The following ASB3 variants were observed in gnomAD, a reference collection of about 807,000 sequenced individuals.
ASB3 encodes the protein ankyrin repeat and SOCS box protein 3.
ASB3 carries 41 observed loss-of-function variants against 54.5 expected under a neutral mutation model. That is an observed-to-expected ratio of 0.75 (90% CI 0.59 to 0.98). The LOEUF is 0.98. Among genes scored for constraint, ASB3 ranks in the 50% least tolerant of loss-of-function variants. ASB3 has a pLI of 0.00. For missense variants in ASB3, 733 were observed against 620.0 expected (o/e 1.18, Z -1.94); for synonymous variants, 266 against 221.2 (o/e 1.20, Z -1.80).
intron 5 of ASB3, among the ~76,000 whole-genome samples, chr2:53,723,228 G>A (rs1339387772): frequency 5.3e-5 from 8 of 152,108 alleles, no homozygotes; most frequent in Admixed American, 1.3e-4. Context: ...CTCACGGATT[G>A]CAAAAATCAA....
intron 3 of ASB3, among the ~76,000 whole-genome samples, chr2:53,740,049 G>A (rs200173448): frequency 6.6e-6 from 1 of 152,326 alleles, no homozygotes; most frequent in Admixed American, 6.5e-5. Flanking sequence ...GTAACGAAAA[G>A]TTTAACCACA....
chr2:53,728,153 T>G (rs1671112279), intron 5 of ASB3, among the ~76,000 whole-genome samples: 1 of 152,286 alleles, frequency 6.6e-6, no homozygotes, highest in South Asian at 2.1e-4. Flanking sequence ...AATAAACATT[T>G]CTGGTCACAA....
At chr2:53,711,440 CT>C (rs896354266) in intron 7 of ASB3, among the ~76,000 whole-genome samples, 104 of 152,292 alleles carry the variant, frequency 6.8e-4, no homozygotes, top group African/African-American at 2.3e-3. Context: ...GCTGGTGCCA[CT>C]GGTGCTACTC....
chr2:53,705,104 A>G (rs1358460059), intron 7 of ASB3, among the ~76,000 whole-genome samples: 1 of 152,226 alleles, frequency 6.6e-6, no homozygotes, highest in African/African-American at 2.4e-5. Context: ...TCTATTTTAT[A>G]GAATAAGGTG....
chr2:53,781,322 G>T (rs1345225056), intron 1 of ASB3, among the ~76,000 whole-genome samples: 1 of 151,680 alleles, frequency 6.6e-6, no homozygotes, highest in African/African-American at 2.4e-5. Context: ...TGAGGTGGGA[G>T]GATCACTTTA....
rs779155684 is a variant in ASB3 at position 53,670,598 on chromosome 2, G to A, written c.1462C>T (p.Leu488=). Residue 488 remains leucine, a synonymous_variant, in exon 10 of 10, where the codon CTG becomes TTG. Transcript: ENST00000263634. The part of the protein sequence containing the change: ...RLRSDSYISQ[L]PLPRSLHNYL... ...TTATGTAGGCTTCTGGGAAGTGGCA[G>A]CTGACTAATATAACTGTCAGACCGT... 5 of 1,613,892 alleles carry A rather than the reference G, an allele frequency of 3.1e-6. No individual in the cohort carries two copies. In the African/African-American group the frequency reaches 5.3e-5, roughly 17 times the overall value.
chr2:53,751,677 A>G (rs1672522486), intron 2 of ASB3, among the ~76,000 whole-genome samples: 1 of 151,276 alleles, frequency 6.6e-6, no homozygotes, highest in Non-Finnish European at 1.5e-5. Flanking sequence ...ACAGAAAATA[A>G]AAAAAAAAAC....
At chr2:53,685,669 C>A (rs2103688639) in intron 9 of ASB3, among the ~76,000 whole-genome samples, 1 of 152,336 alleles carries the variant, frequency 6.6e-6, no homozygotes, top group Admixed American at 6.5e-5. Flanking sequence ...GCAAGTGACT[C>A]TTTCTCGATC....
chr2:53,732,453 T>C (rs1039022815), intron 3 of ASB3, among the ~76,000 whole-genome samples: 9 of 152,222 alleles, frequency 5.9e-5, no homozygotes, highest in Admixed American at 3.9e-4. Context: ...AATCATTCTA[T>C]AGCCAGTCCA....
intron 6 of ASB3, 62 bp downstream of exon 6, chr2:53,716,504 G>C (rs1354659932): frequency 1.3e-6 from 2 of 1,570,122 alleles, no homozygotes; most frequent in South Asian, 2.4e-5. Context: ...GTCTAGCCCA[G>C]ATTTATTCTT....
chr2:53,732,870 A>T (rs1255380517), intron 3 of ASB3, among the ~76,000 whole-genome samples: 1 of 152,206 alleles, frequency 6.6e-6, no homozygotes, highest in Non-Finnish European at 1.5e-5. Flanking sequence ...TCCGCTTTGG[A>T]AGAGGAGCAT....
At chr2:53,712,230 TA>T (rs1670140197) in intron 7 of ASB3, among the ~76,000 whole-genome samples, 1 of 147,222 alleles carries the variant, frequency 6.8e-6, no homozygotes, top group Non-Finnish European at 1.5e-5. Flanking sequence ...AAAAAAAAAA[TA>T]CATTAAAAAC....
intron 9 of ASB3, among the ~76,000 whole-genome samples, chr2:53,675,641 C>G (rs939095107): frequency 4.6e-5 from 7 of 152,144 alleles, no homozygotes; most frequent in African/African-American, 1.7e-4. Context: ...CAAAATTCAT[C>G]TGGTAAATTT....
chr2:53,756,822 AGG>A (rs1190586534), intron 2 of ASB3: 5 of 152,978 alleles, frequency 3.3e-5, no homozygotes, highest in African/African-American at 1.2e-4. Flanking sequence ...CCGATCTGGC[AGG>A]GTGTCCACTG....
intron 2 of ASB3, among the ~76,000 whole-genome samples, chr2:53,756,375 G>C (rs1419539580): frequency 1.3e-5 from 2 of 152,078 alleles, no homozygotes; most frequent in Admixed American, 1.3e-4. Context: ...ACTCAGTACT[G>C]AAAGAATCCT....
At chr2:53,742,427 T>C (rs184501846) in intron 3 of ASB3, among the ~76,000 whole-genome samples, 25 of 151,980 alleles carry the variant, frequency 1.6e-4, no homozygotes, top group Non-Finnish European at 5.9e-5. Flanking sequence ...AGAAAAACAA[T>C]AGACCAACAA....
intron 7 of ASB3, among the ~76,000 whole-genome samples, chr2:53,708,173 T>A (rs919915270): frequency 6.6e-5 from 10 of 152,048 alleles, no homozygotes; most frequent in Middle Eastern, 6.8e-3. Flanking sequence ...TTTAGCACCA[T>A]CCCCCTCGGT....
intron 7 of ASB3, among the ~76,000 whole-genome samples, chr2:53,704,237 G>A (rs1364166379): frequency 6.6e-6 from 1 of 151,834 alleles, no homozygotes; most frequent in African/African-American, 2.4e-5. Flanking sequence ...GCATATGCCT[G>A]TAATCCCAGC....
At chr2:53,729,617 T>C in intron 3 of ASB3, 47 bp from the exon 4 acceptor site, 3 of 1,542,408 alleles carry the variant, frequency 1.9e-6, no homozygotes, top group Non-Finnish European at 2.7e-6. Context: ...AAAGGCATGT[T>C]TGTAGGACTG....
Sources: allele counts gnomAD v4.1 joint callset (sites outside exome capture counted in the v4.1 genomes callset), GRCh38; gene constraint gnomAD v4.1.1; transcripts MANE v1.5; gene names NCBI Gene and HGNC (gene_info 2026-07-23, HGNC 2026-07-21).